The following WDR77 variants were observed in gnomAD, a reference collection of about 807,000 sequenced individuals.
WDR77 encodes the protein methylosome protein WDR77.
A neutral mutation model predicts 44.0 loss-of-function variants in WDR77; 31 were observed. The observed-to-expected ratio is 0.70, with a 90% CI of 0.53 to 0.95. WDR77 has a LOEUF of 0.95. WDR77 is among the 40% of genes least tolerant of loss of function. The pLI is 0.00. For synonymous variants in WDR77, 186 were observed against 165.7 expected (o/e 1.12, Z -0.94); for missense variants, 390 against 423.9 (o/e 0.92, Z 0.70).
In WDR77 at chr1:111,441,234, T is replaced by TCAG; in HGVS notation, c.1022_1024dup (p.Thr341_Glu342insAla). On this transcript the variant is annotated inframe_insertion, in exon 10 of 10. Coordinates refer to ENST00000235090, the MANE Select transcript of WDR77 (RefSeq NM_024102.4). ...GCTTTTTGTCTTAAATCCAATCTAC[T>TCAG]CAGTAACACTTGCAGGTCCAGGGGC... The TCAG allele has an allele frequency of 6.5e-7, 1 of 1,532,260 alleles. No homozygotes were observed. Among genetic ancestry groups the TCAG allele is most frequent in the Non-Finnish European group, 8.8e-7 (1 of 1,139,892 alleles). 94.9% of individuals were successfully genotyped at this position (1,532,260 alleles called of 1,614,324 possible).
In WDR77 at chr1:111,448,626, G is replaced by A. The variant is rs148269340; in HGVS notation, c.294C>T (p.Ser98=). Residue 98 remains serine (S), a synonymous_variant, in exon 2 of 10, where the codon TCC becomes TCT. Coordinates refer to ENST00000235090, the MANE Select transcript of WDR77 (RefSeq NM_024102.4). Reference sequence around the variant, plus strand: ...AATGGGATAGTGACTCACCTGAATCGGAGGCCACTAGAATACCTCTCTCCC... The same window carrying A: ...AATGGGATAGTGACTCACCTGAATCAGAGGCCACTAGAATACCTCTCTCCC... The part of the protein sequence containing the change: ...WVGERGILVA[S]DSGAVELWEL... 2 of 1,613,914 alleles carry A rather than the reference G, an allele frequency of 1.2e-6. No homozygotes were observed. Among genetic ancestry groups the A allele is most frequent in the Non-Finnish European group, 1.7e-6 (2 of 1,180,014 alleles).
At chr1:111,448,587 G>A in intron 2 of WDR77, 32 bp downstream of exon 2, 1 of 1,612,172 alleles carries the variant, frequency 6.2e-7, no homozygotes, top group Non-Finnish European at 8.5e-7. Context: ...TTCCACCCGG[G>A]GGTGGGGGTG....
At chr1:111,441,675 C>T in intron 9 of WDR77, 1 of 981,640 alleles carries the variant, frequency 1.0e-6, no homozygotes, top group African/African-American at 1.6e-5. Context: ...AAGTACAATT[C>T]AGGTCTTCCA....
intron 9 of WDR77, 82 bp downstream of exon 9, chr1:111,441,941 AAC>A (rs1652833369): frequency 7.6e-7 from 1 of 1,315,132 alleles, no homozygotes; most frequent in East Asian, 2.3e-5. Context: ...CCAAAAGCAC[AAC>A]ACAGTTTTCT....
chr1:111,443,256 A>C, intron 7 of WDR77, 67 bp downstream of exon 7: 1 of 1,453,626 alleles, frequency 6.9e-7, no homozygotes, highest in Non-Finnish European at 9.4e-7. Flanking sequence ...TGTGTTGTGG[A>C]GTCAGCTCTT....
intron 2 of WDR77, 91 bp downstream of exon 2, chr1:111,448,528 G>T: frequency 6.7e-7 from 1 of 1,498,692 alleles, no homozygotes; most frequent in Non-Finnish European, 9.3e-7. Flanking sequence ...AGTATAGGAC[G>T]TTAGATATTG....
At position 111,441,195 on chromosome 1, in the gene WDR77, C is replaced by T. The variant is rs375173177; in HGVS notation, c.*35G>A. On this transcript the variant is annotated 3_prime_UTR_variant, in exon 10 of 10. Transcript: ENST00000235090. The stretch of plus-strand genomic sequence containing the variant: ...AGAGGGCAGGGCAAAGAAGTGGACA[C>T]TCATGGGGGACTTGCTTTTTGTCTT... 3 of 1,459,112 alleles carry T rather than the reference C, an allele frequency of 2.1e-6. No homozygotes were observed. Among genetic ancestry groups the T allele is most frequent in the Admixed American group, 2.4e-5 (1 of 41,554 alleles). The allele number at this position is 1,459,112 out of a possible 1,614,324, so 90.4% of individuals were successfully genotyped here.
At chr1:111,444,368 G>T (rs1314875801) in intron 4 of WDR77, among the ~76,000 whole-genome samples, 1 of 151,898 alleles carries the variant, frequency 6.6e-6, no homozygotes, top group Non-Finnish European at 1.5e-5. Flanking sequence ...GAAATTAGGG[G>T]CTTAGTAAGA....
At chr1:111,443,489 T>A (rs1652897666) in intron 6 of WDR77, 95 bp from the exon 7 acceptor site, 2 of 1,372,394 alleles carry the variant, frequency 1.5e-6, no homozygotes, top group Non-Finnish European at 2.0e-6. Flanking sequence ...AGCACCTTTA[T>A]TTGATTTCCC....
rs1305219644 is a variant in WDR77, at chr1:111,449,150, G to A, written c.20C>T (p.Pro7Leu). 8 of 1,589,400 alleles carry A rather than the reference G, an allele frequency of 5.0e-6. No individual in the cohort carries two copies. Among genetic ancestry groups the A allele is most frequent in the East Asian group, 2.3e-5 (1 of 44,424 alleles). MRKETP[P>L]PLVPPAAREW... ...CCGGGCCGCCGGGGGCACTAGGGGG[G>A]GTGGGGTTTCCTTCCGCATCTCCAC... Residue 7 changes from proline (P) to leucine (L), a missense_variant, in exon 1 of 10, where the codon CCC becomes CTC. By Grantham distance (98) the Pro-to-Leu change is moderately conservative. Transcript: ENST00000235090.
chr1:111,443,735 AAGG>A, intron 6 of WDR77, 129 bp downstream of exon 6: 4 of 1,508,600 alleles, frequency 2.7e-6, no homozygotes, highest in Non-Finnish European at 1.8e-6. Context: ...ACTGGAAAAG[AAGG>A]AGATTATGTC....
intron 4 of WDR77, among the ~76,000 whole-genome samples, chr1:111,445,429 T>C (rs1408052733): frequency 6.6e-6 from 1 of 152,104 alleles, no homozygotes; most frequent in African/African-American, 2.4e-5. Flanking sequence ...AGCACCATGG[T>C]GGTGTACAAA....
intron 4 of WDR77, among the ~76,000 whole-genome samples, chr1:111,445,962 G>C (rs1299547658): frequency 6.6e-6 from 1 of 152,118 alleles, no homozygotes; most frequent in Non-Finnish European, 1.5e-5. Context: ...TAGAGTCAAG[G>C]TTTCGGCATG....
At position 111,442,728 on chromosome 1, in the gene WDR77, G is replaced by C; in HGVS notation, c.725C>G (p.Thr242Ser). 1 of 1,599,880 alleles carries C rather than the reference G, an allele frequency of 6.3e-7. No individual in the cohort carries two copies. Among genetic ancestry groups the C allele is most frequent in the Non-Finnish European group, 8.5e-7 (1 of 1,170,100 alleles). Residue 242 changes from threonine to serine, a missense_variant, in exon 8 of 10, where the codon ACC (threonine) becomes AGC (serine). Physicochemically the swap from Thr to Ser is moderately conservative, Grantham distance 58 (BLOSUM62 1). Coordinates refer to ENST00000235090, the MANE Select transcript of WDR77 (RefSeq NM_024102.4). ...GCTCAGGACACAGCTTGTACTCTTGGTGTCCACAAGGGAGACTGTCCCATT... is the reference window on the plus strand; with the variant it reads ...GCTCAGGACACAGCTTGTACTCTTGCTGTCCACAAGGGAGACTGTCCCATT... ...DENGTVSLVD[T>S]KSTSCVLSSA...
intron 6 of WDR77, 109 bp from the exon 7 acceptor site, chr1:111,443,503 C>T (rs1652897981): frequency 3.0e-6 from 4 of 1,320,878 alleles, no homozygotes; most frequent in African/African-American, 2.9e-5. Flanking sequence ...ATTTCCCAAA[C>T]CCTGCTAAGG....
At chr1:111,445,291 G>A (rs1390474929) in intron 4 of WDR77, among the ~76,000 whole-genome samples, 2 of 152,168 alleles carry the variant, frequency 1.3e-5, no homozygotes, top group East Asian at 3.8e-4. Context: ...CCTTCCCTGA[G>A]GCAGAAGGAT....
chr1:111,445,234 T>A (rs1417143791), intron 4 of WDR77, among the ~76,000 whole-genome samples: 1 of 152,192 alleles, frequency 6.6e-6, no homozygotes. Context: ...GTGGAAACCT[T>A]TTCTACAGTC....
intron 3 of WDR77, 128 bp from the exon 4 acceptor site, chr1:111,447,272 A>G (rs1318540560): frequency 6.9e-6 from 10 of 1,454,822 alleles, no homozygotes; most frequent in Admixed American, 5.7e-5. Flanking sequence ...GCTATGGTCT[A>G]CTTACGATGG....
In WDR77 at chr1:111,449,126, C is replaced by T; in HGVS notation, c.44G>A (p.Arg15Gln). ...TPPPLVPPAA[R>Q]EWNLPPNAPA... ...CGCATTTGGGGGAAGATTCCACTCC[C>T]GGGCCGCCGGGGGCACTAGGGGGGG... The change falls in exon 1 of 10, where the codon CGG (arginine) becomes CAG (glutamine). Residue 15 changes from arginine to glutamine, a missense_variant. Coordinates refer to ENST00000235090, the MANE Select transcript of WDR77 (RefSeq NM_024102.4). 2 of 1,599,100 alleles carry T rather than the reference C, an allele frequency of 1.3e-6. No homozygotes were observed. The highest frequency in any genetic ancestry group is 8.5e-7 in the Non-Finnish European group (1 of 1,175,346).
Sources: gnomAD v4.1 joint callset for allele counts (sites outside exome capture counted in the v4.1 genomes callset) on GRCh38, gnomAD v4.1.1 for gene constraint, MANE v1.5 for transcripts, NCBI Gene and HGNC (gene_info 2026-07-23, HGNC 2026-07-21) for gene names.